Variants in GNAT2 observed in about 807,000 individuals in gnomAD.
GNAT2 encodes the protein G protein subunit alpha transducin 2, also known as guanine nucleotide-binding protein G(t) subunit alpha-2.
Under a neutral mutation model 40.9 loss-of-function variants are expected in GNAT2, and 32 were observed. The ratio of observed to expected loss-of-function variants is 0.78; its 90% CI spans 0.59 to 1.05. The LOEUF (loss-of-function observed/expected upper bound fraction) is 1.05. Ranked by LOEUF, GNAT2 falls within the 50% of genes least tolerant of loss-of-function variation. The pLI, the probability that GNAT2 is intolerant of heterozygous loss-of-function variation, is 0.00. For synonymous variants in GNAT2, 141 were observed against 157.2 expected, an observed-to-expected ratio of 0.90 and a Z score of 0.77; for missense variants, 355 against 431.5, an observed-to-expected ratio of 0.82 and a Z score of 1.57.
chr1:109,614,733 A>C (rs1649902239), intron 1 of GNAT2: 1 of 152,238 alleles, frequency 6.6e-6, no homozygotes, highest in East Asian at 1.9e-4. Context: ...AGTAGAATCT[A>C]GGTCTCCCCG....
chr1:109,604,243 A>G (rs1257972300), intron 7 of GNAT2, 139 bp from the exon 8 acceptor site: 1 of 718,458 alleles, frequency 1.4e-6, no homozygotes, highest in East Asian at 2.7e-5. Flanking sequence ...TCAATGTACC[A>G]GAGTAAAGCC....
Position 109,612,857 on chromosome 1 carries a change from G to C in GNAT2, c.14C>G (p.Ala5Gly). MGSG[A>G]SAEDKELAKR... The stretch of plus-strand genomic sequence containing the variant: ...GGCCAGTTCTTTGTCCTCAGCACTG[G>C]CTCCACTTCCCATATTTGCCGTCTT... The change falls in exon 2 of 9, where the codon GCC becomes GGC. Residue 5 changes from alanine (A) to glycine (G), a missense_variant. Coordinates refer to ENST00000679935, the MANE Select transcript of GNAT2 (RefSeq NM_001377295.2). 6.2e-7 allele frequency: 1 copy of C among 1,607,712 alleles called. No homozygotes were observed.
At position 109,603,481 on chromosome 1, in the gene GNAT2, C is replaced by A. The variant is rs368195234; in HGVS notation, c.938G>T (p.Arg313Leu). 6.2e-7 allele frequency: 1 copy of A among 1,606,956 alleles called. No individual in the cohort carries two copies. Among genetic ancestry groups the A allele is most frequent in the East Asian group, 2.2e-5 (1 of 44,866 alleles). Residue 313 changes from arginine (R) to leucine (L), a missense_variant, in exon 9 of 9, where the codon CGA (arginine) becomes CTA (leucine). By Grantham distance (102) the Arg-to-Leu change is moderately radical. Coordinates refer to ENST00000679935, the MANE Select transcript of GNAT2 (RefSeq NM_001377295.2). ...IKSQFLDLNM[R>L]KDVKEIYSHM... is the part of the protein sequence containing the mutation. Reference sequence around the variant, plus strand: ...ACTGTAGATTTCTTTGACATCTTTTCGCATATTGAGGTCAAGGAACTGGCT... The same window carrying A: ...ACTGTAGATTTCTTTGACATCTTTTAGCATATTGAGGTCAAGGAACTGGCT...
chr1:109,618,763 T>C (rs1434233225), intron 1 of GNAT2, among the ~76,000 whole-genome samples: 1 of 152,210 alleles, frequency 6.6e-6, no homozygotes, highest in African/African-American at 2.4e-5. Flanking sequence ...CTGTGTGAGG[T>C]GAAGAGGCCA....
chr1:109,612,924 CTGTA>C lies in GNAT2; in HGVS notation c.-53-5_-53-2del. Reference sequence around the variant, plus strand: ...CCCTAATCCTCTCTCGTAAGGTTTCCTGTATGTGAGATGGAAGAGAAGGAAAAAA... The same window carrying C: ...CCCTAATCCTCTCTCGTAAGGTTTCCTGTGAGATGGAAGAGAAGGAAAAAA... On this transcript the variant is annotated splice_acceptor_variant and splice_polypyrimidine_tract_variant and intron_variant, in intron 1 of 8. Coordinates refer to ENST00000679935, the MANE Select transcript of GNAT2 (RefSeq NM_001377295.2). LOFTEE classifies it low-confidence loss of function (5UTR_SPLICE). 1 of 1,188,950 alleles carries C rather than the reference CTGTA, an allele frequency of 8.4e-7. No homozygotes were observed. The highest frequency in any genetic ancestry group is 1.3e-6 in the Non-Finnish European group (1 of 794,778). The allele number at this position is 1,188,950 out of a possible 1,614,324, so 73.7% of individuals were successfully genotyped here.
chr1:109,612,505 C>T lies in GNAT2; in HGVS notation c.118+248G>A, dbSNP rs1371821432. 5 of 503,122 alleles carry T rather than the reference C, an allele frequency of 9.9e-6. No individual in the cohort carries two copies. The East Asian group carries it at 1.6e-4, about 16-fold the overall frequency. 31.2% of individuals were successfully genotyped at this position (503,122 alleles called of 1,614,324 possible). A position where few individuals can be genotyped will look rare whatever the true frequency, so the allele number is the denominator to read the frequency against. On this transcript the variant is annotated intron_variant, in intron 2 of 8. Transcript: ENST00000679935. ...ATGGGTGGGTTCATGGTGGCCCTTG[C>T]ACTATTCCTCGCTCAAGAGTAGAAA...
chr1:109,608,175 T>A (rs1167293036), intron 5 of GNAT2: 1 of 247,530 alleles, frequency 4.0e-6, no homozygotes, highest in African/African-American at 2.2e-5. Flanking sequence ...CATTTCTGCT[T>A]AGTGGCCTAA....
At chr1:109,607,568 G>A (rs1049078648) in intron 5 of GNAT2, 5 of 152,066 alleles carry the variant, frequency 3.3e-5, no homozygotes, top group Admixed American at 2.6e-4. Context: ...TCAGATTCTC[G>A]TTTAAACTCC....
intron 4 of GNAT2, chr1:109,609,691 T>C (rs1436225768): frequency 5.6e-6 from 2 of 356,458 alleles, no homozygotes; most frequent in Non-Finnish European, 1.1e-5. Flanking sequence ...TGGTGTATTA[T>C]GAAAAATATT....
At chr1:109,608,602 C>T in intron 5 of GNAT2, 29 bp downstream of exon 5, 1 of 1,606,418 alleles carries the variant, frequency 6.2e-7, no homozygotes, top group Non-Finnish European at 8.5e-7. Context: ...GCTTAAGCAT[C>T]AACCCACCCT....
intron 2 of GNAT2, chr1:109,612,221 T>C: frequency 5.0e-6 from 1 of 200,040 alleles, no homozygotes; most frequent in South Asian, 8.6e-5. Flanking sequence ...AAAGACACCA[T>C]TCCTCCTTCC....
chr1:109,605,931 C>T (rs774443831), intron 7 of GNAT2, 39 bp downstream of exon 7: 1 of 1,600,134 alleles, frequency 6.2e-7, no homozygotes, highest in East Asian at 2.2e-5. Context: ...ATGGGGAGAA[C>T]TTGTTCTACC....
chr1:109,609,751 C>G, intron 4 of GNAT2: 1 of 429,736 alleles, frequency 2.3e-6, no homozygotes, highest in Non-Finnish European at 4.4e-6. Flanking sequence ...TGCTATTTAT[C>G]TACATGACCT....
Position 109,606,064 on chromosome 1 carries a change from T to C in GNAT2, c.626A>G (p.Lys209Arg), listed in dbSNP as rs1452051764. 3 of 1,613,724 alleles carry C rather than the reference T, an allele frequency of 1.9e-6. No individual in the cohort carries two copies. Among genetic ancestry groups the C allele is most frequent in the Non-Finnish European group, 1.7e-6 (2 of 1,179,712 alleles). ...TCCCTCGAAGCAGTGGATCCACTTC[T>C]TTCTCTCGGATCTCTGCCCTCCCAC... ...FDVGGQRSER[K>R]KWIHCFEGVT... Residue 209 changes from lysine to arginine, a missense_variant, in exon 7 of 9, where the codon AAG becomes AGG. Coordinates refer to ENST00000679935, the MANE Select transcript of GNAT2 (RefSeq NM_001377295.2).
At chr1:109,607,895 G>C (rs1470886193) in intron 5 of GNAT2, 1 of 158,580 alleles carries the variant, frequency 6.3e-6, no homozygotes, top group East Asian at 1.9e-4. Flanking sequence ...ACTGGGCTTT[G>C]AGTGCTCCGG....
intron 2 of GNAT2, 175 bp downstream of exon 2, chr1:109,612,578 T>C: frequency 1.5e-6 from 1 of 669,248 alleles, no homozygotes; most frequent in Admixed American, 2.1e-5. Flanking sequence ...GGTGGCTGTT[T>C]AGGCCCCATA....
intron 3 of GNAT2, 124 bp from the exon 4 acceptor site, chr1:109,610,305 G>T: frequency 7.8e-7 from 1 of 1,274,648 alleles, no homozygotes; most frequent in Non-Finnish European, 1.1e-6. Context: ...CTTTCTCAAA[G>T]TGGAGGGTGA....
intron 6 of GNAT2, 95 bp downstream of exon 6, chr1:109,606,213 A>G (rs1649588971): frequency 1.3e-6 from 2 of 1,567,752 alleles, no homozygotes; most frequent in African/African-American, 2.7e-5. Flanking sequence ...ACAGTAATTT[A>G]GATTAGGCTT....
intron 4 of GNAT2, chr1:109,609,704 G>A: frequency 2.7e-6 from 1 of 365,996 alleles, no homozygotes; most frequent in South Asian, 2.2e-5. Context: ...AAAATATTCA[G>A]CTTTGTAGTC....
Sources: allele counts gnomAD v4.1 joint callset (sites outside exome capture counted in the v4.1 genomes callset), GRCh38; gene constraint gnomAD v4.1.1; transcripts MANE v1.5; gene names NCBI Gene and HGNC (gene_info 2026-07-23, HGNC 2026-07-21).